Variants in PKD2L1 observed in about 807,000 individuals in gnomAD.
PKD2L1 encodes the protein polycystin-2-like protein 1.
PKD2L1 carries 77 observed loss-of-function variants against 93.0 expected under a neutral mutation model. The observed-to-expected ratio is 0.83, with a 90% CI of 0.69 to 1.00. The LOEUF is 1.00. Among genes scored for constraint, PKD2L1 ranks in the 50% least tolerant of loss-of-function variants. The pLI, the probability that PKD2L1 is intolerant of heterozygous loss-of-function variation, is 0.00. For synonymous variants in PKD2L1, 390 were observed against 388.0 expected (o/e 1.01, Z -0.06); for missense variants, 977 against 990.9 (o/e 0.99, Z 0.19).
At chr10:100,302,249 A>G (rs1314918395) in intron 2 of PKD2L1, among the ~76,000 whole-genome samples, 1 of 60,946 alleles carries the variant, frequency 1.6e-5, no homozygotes, top group Non-Finnish European at 3.6e-5. Context: ...ACACACACAC[A>G]CACGCATACA....
chr10:100,322,382 C>A (rs539530702), intron 2 of PKD2L1, among the ~76,000 whole-genome samples: 2 of 152,150 alleles, frequency 1.3e-5, no homozygotes, highest in East Asian at 3.9e-4. Flanking sequence ...CAAAAATTAG[C>A]CGGGCATGGT....
intron 5 of PKD2L1, 35 bp from the exon 6 acceptor site, chr10:100,297,243 C>G (rs116831061): frequency 4.4e-6 from 7 of 1,595,738 alleles, no homozygotes; most frequent in Non-Finnish European, 6.0e-6. Context: ...TCCAGTGGAG[C>G]CTTCGCTGGG....
chr10:100,329,179 GACAGATGTACACAAAC>G lies in PKD2L1; in HGVS notation c.349+16_349+31del. 6.2e-7 allele frequency: 1 copy of G among 1,607,818 alleles called. No homozygotes were observed. Among genetic ancestry groups the G allele is most frequent in the Non-Finnish European group, 8.5e-7 (1 of 1,174,580 alleles). On this transcript the variant is annotated intron_variant, in intron 2 of 15. Transcript: ENST00000318222. ...AGTGCACACATAGATGTTTCTCACAGACAGATGTACACAAACACAGATGCTACTCACGTAGACAGAT... is the reference window on the plus strand; with the variant it reads ...AGTGCACACATAGATGTTTCTCACAGACAGATGCTACTCACGTAGACAGAT...
chr10:100,309,942 C>T (rs1038147751), intron 2 of PKD2L1, among the ~76,000 whole-genome samples: 5 of 152,298 alleles, frequency 3.3e-5, no homozygotes, highest in African/African-American at 1.2e-4. Context: ...AGCCAGTTTT[C>T]GTTGGGTTGT....
chr10:100,317,585 T>C (rs1354976929), intron 2 of PKD2L1, among the ~76,000 whole-genome samples: 2 of 152,330 alleles, frequency 1.3e-5, no homozygotes, highest in East Asian at 3.9e-4. Context: ...TTTCCATGTT[T>C]GCAAGTCTCC....
At chr10:100,303,339 A>G (rs1848728778) in intron 2 of PKD2L1, among the ~76,000 whole-genome samples, 1 of 152,018 alleles carries the variant, frequency 6.6e-6, no homozygotes, top group Non-Finnish European at 1.5e-5. Flanking sequence ...GATTACAGGC[A>G]TGCAGCACGA....
rs11817090 is a variant in PKD2L1 at position 100,324,025 on chromosome 10, A to G, written c.349+5186T>C. ...GTATTTTTAATAGAGATGGGGTTTCACCATGTTGGCCAGGCTGGTCTCGAA... is the reference window on the plus strand; with the variant it reads ...GTATTTTTAATAGAGATGGGGTTTCGCCATGTTGGCCAGGCTGGTCTCGAA... On this transcript the variant is annotated intron_variant, in intron 2 of 15. Coordinates refer to ENST00000318222, the MANE Select transcript of PKD2L1 (RefSeq NM_016112.3). Among the ~76,000 whole-genome samples, 5 of 151,216 alleles carry G rather than the reference A, an allele frequency of 3.3e-5. No individual in the cohort carries two copies. In the East Asian group the frequency reaches 9.8e-4, roughly 30 times the overall value.
In PKD2L1 at chr10:100,299,509, A is replaced by G. The variant is rs1195828449; in HGVS notation, c.477+82T>C. Reference sequence around the variant, plus strand: ...TCCCTGACTGATTTGATTTCCCAGCATAAGGTCTGATCCGTTGTCTGACCT... The same window carrying G: ...TCCCTGACTGATTTGATTTCCCAGCGTAAGGTCTGATCCGTTGTCTGACCT... On this transcript the variant is annotated intron_variant, in intron 3 of 15. Transcript: ENST00000318222. 7.1e-6 allele frequency: 9 copies of G among 1,272,446 alleles called. No homozygotes were observed. The East Asian group carries it at 2.1e-4, about 30-fold the overall frequency. The allele number at this position is 1,272,446 out of a possible 1,614,324, so 78.8% of individuals were successfully genotyped here.
At chr10:100,317,213 T>C (rs1849118352) in intron 2 of PKD2L1, among the ~76,000 whole-genome samples, 1 of 152,248 alleles carries the variant, frequency 6.6e-6, no homozygotes, top group Non-Finnish European at 1.5e-5. Flanking sequence ...ACTTTTTATT[T>C]TTTAAAAAAT....
intron 1 of PKD2L1, 97 bp from the exon 2 acceptor site, chr10:100,329,421 C>T: frequency 6.5e-7 from 1 of 1,529,754 alleles, no homozygotes; most frequent in South Asian, 1.2e-5. Context: ...CCTTTCCACC[C>T]CTGCCCTTCC....
chr10:100,329,796 C>G, intron 1 of PKD2L1, 73 bp downstream of exon 1: 1 of 1,042,024 alleles, frequency 9.6e-7, no homozygotes, highest in Non-Finnish European at 1.5e-6. Context: ...TCCACCCCCA[C>G]CCCCTGCCCA....
intron 4 of PKD2L1, among the ~76,000 whole-genome samples, chr10:100,297,934 T>C (rs930201127): frequency 3.3e-5 from 5 of 152,154 alleles, no homozygotes; most frequent in Non-Finnish European, 7.4e-5. Flanking sequence ...TTTTTCACTA[T>C]GTCACTCAAA....
intron 9 of PKD2L1, among the ~76,000 whole-genome samples, chr10:100,294,038 G>A (rs892789259): frequency 3.3e-5 from 5 of 152,148 alleles, no homozygotes; most frequent in South Asian, 2.1e-4. Context: ...GTTTGAGCTC[G>A]GGAGGTGGAG....
intron 2 of PKD2L1, among the ~76,000 whole-genome samples, chr10:100,326,804 A>C (rs1407396537): frequency 6.6e-6 from 1 of 152,240 alleles, no homozygotes; most frequent in Admixed American, 6.5e-5. Context: ...GGTGAATGGC[A>C]GTGCACAGTG....
At chr10:100,319,486 A>C (rs147621373) in intron 2 of PKD2L1, among the ~76,000 whole-genome samples, 298 of 152,342 alleles carry the variant, frequency 2.0e-3, no homozygotes, top group African/African-American at 6.9e-3. Flanking sequence ...CATTACAGCC[A>C]CACAGGAACT....
Position 100,298,828 on chromosome 10 carries a change from C to T in PKD2L1, c.478-13G>A. On this transcript the variant is annotated splice_polypyrimidine_tract_variant and intron_variant, in intron 3 of 15. Transcript: ENST00000318222. ...GGCCCTGGGCAAACTGAACCACAAG[C>T]TGGCTTGAACCTTACCCAGCCTCCT... 8 of 1,604,088 alleles carry T rather than the reference C, an allele frequency of 5.0e-6. No homozygotes were observed. The highest frequency in any genetic ancestry group is 6.8e-6 in the Non-Finnish European group (8 of 1,173,740).
chr10:100,301,962 A>G (rs968799764), intron 2 of PKD2L1, among the ~76,000 whole-genome samples: 3 of 152,178 alleles, frequency 2.0e-5, no homozygotes, highest in African/African-American at 7.2e-5. Context: ...CAGCCTCCCA[A>G]GTAGCTGGGA....
Position 100,294,566 on chromosome 10 carries a change from G to A in PKD2L1, c.1628C>T (p.Thr543Ile), listed in dbSNP as rs1425708379. The change falls in exon 9 of 16, where the codon ACC (threonine) becomes ATC (isoleucine). Residue 543 changes from threonine (T) to isoleucine (I), a missense_variant. Physicochemically the swap from Thr to Ile is moderately conservative, Grantham distance 89. Transcript: ENST00000318222. ...CACGAAGAAGACGAAGAAGACATAG[G>A]TGACAAAGTAGGCAGGGCCCAGGAT... ...NRILGPAYFV[T>I]YVFFVFFVLL... is the part of the protein sequence containing the mutation. The A allele has an allele frequency of 1.9e-6, 3 of 1,614,098 alleles. No homozygotes were observed. The highest frequency in any genetic ancestry group is 2.5e-6 in the Non-Finnish European group (3 of 1,180,006).
chr10:100,315,100 G>C (rs1316167202), intron 2 of PKD2L1, among the ~76,000 whole-genome samples: 1 of 127,590 alleles, frequency 7.8e-6, no homozygotes, highest in Non-Finnish European at 1.7e-5. Flanking sequence ...GGAAGGGAAG[G>C]GAAGGGAAGG....
Sources: gnomAD v4.1 joint callset for allele counts (sites outside exome capture counted in the v4.1 genomes callset) on GRCh38, gnomAD v4.1.1 for gene constraint, MANE v1.5 for transcripts, NCBI Gene and HGNC (gene_info 2026-07-23, HGNC 2026-07-21) for gene names.